SLC71A1: variants seen among roughly 807,000 people sequenced by gnomAD.
SLC71A1 encodes the protein hippocampus abundant gene transcript 1.
chr1:100,071,555 G>C, the SLC71A1 span, among the ~76,000 whole-genome samples: 1 of 152,178 alleles, frequency 6.6e-6, no homozygotes, highest in Non-Finnish European at 1.5e-5. Context: ...TGCAATAGAT[G>C]TGATCAACCT....
chr1:100,047,988 T>C, the SLC71A1 span, among the ~76,000 whole-genome samples: 1 of 152,192 alleles, frequency 6.6e-6, no homozygotes, highest in Non-Finnish European at 1.5e-5. Context: ...ATAAATTTTA[T>C]TTACATTGAG....
the SLC71A1 span, chr1:100,038,289 G>A: frequency 1.3e-6 from 2 of 1,559,562 alleles, no homozygotes; most frequent in Non-Finnish European, 1.7e-6. Flanking sequence ...TGCTGGCCAA[G>A]AAGATCATCA....
the SLC71A1 span, among the ~76,000 whole-genome samples, chr1:100,078,120 A>C: frequency 6.6e-6 from 1 of 152,206 alleles, no homozygotes; most frequent in Admixed American, 6.5e-5. Flanking sequence ...GTGTTTGGAA[A>C]TATTTGATGA....
chr1:100,045,808 G>A, the SLC71A1 span, among the ~76,000 whole-genome samples: 2 of 139,154 alleles, frequency 1.4e-5, no homozygotes, highest in Admixed American at 7.8e-5. Flanking sequence ...GGGAGACTCT[G>A]TCTCAAAATA....
chr1:100,047,669 G>A, the SLC71A1 span, among the ~76,000 whole-genome samples: 3 of 152,146 alleles, frequency 2.0e-5, no homozygotes, highest in Admixed American at 6.5e-5. Context: ...TGATCCACCC[G>A]CTTTGGCCTC....
chr1:100,074,543 C>G, the SLC71A1 span, among the ~76,000 whole-genome samples: 1 of 151,394 alleles, frequency 6.6e-6, no homozygotes, highest in Admixed American at 6.6e-5. Flanking sequence ...TGCGCCACAG[C>G]ACTCCAGCCT....
chr1:100,041,662 G>C, the SLC71A1 span, among the ~76,000 whole-genome samples: 1 of 152,128 alleles, frequency 6.6e-6, no homozygotes, highest in Non-Finnish European at 1.5e-5. Context: ...AGTGGCTCAC[G>C]CCTGTAATCC....
chr1:100,080,458 G>T, the SLC71A1 span: 3 of 1,569,388 alleles, frequency 1.9e-6, no homozygotes, highest in Non-Finnish European at 2.6e-6. Context: ...AAAAAAACCA[G>T]GTAGTTTACT....
At chr1:100,044,744 C>T in the SLC71A1 span, among the ~76,000 whole-genome samples, 1 of 152,112 alleles carries the variant, frequency 6.6e-6, no homozygotes, top group Non-Finnish European at 1.5e-5. Flanking sequence ...ACTCAAACTA[C>T]TGACCTTAGG....
chr1:100,061,158 T>G, the SLC71A1 span, among the ~76,000 whole-genome samples: 1 of 152,228 alleles, frequency 6.6e-6, no homozygotes, highest in Non-Finnish European at 1.5e-5. Flanking sequence ...TATGATTATA[T>G]GTGATTTTCA....
the SLC71A1 span, chr1:100,080,124 A>G: frequency 3.2e-4 from 50 of 156,876 alleles, 2 homozygotes; most frequent in East Asian, 9.3e-3. Flanking sequence ...ATTTTTGACT[A>G]AAAGGGGTCT....
the SLC71A1 span, among the ~76,000 whole-genome samples, chr1:100,059,072 C>A: frequency 6.0e-5 from 9 of 150,630 alleles, no homozygotes; most frequent in Admixed American, 4.6e-4. Flanking sequence ...AAAAAACCCC[C>A]ATCAATATAA....
chr1:100,070,769 T>C, the SLC71A1 span, among the ~76,000 whole-genome samples: 7 of 152,184 alleles, frequency 4.6e-5, no homozygotes, highest in Non-Finnish European at 1.0e-4. Context: ...TAAGACACTA[T>C]GAAGACAATC....
chr1:100,057,383 A>G, the SLC71A1 span, among the ~76,000 whole-genome samples: 47 of 121,224 alleles, frequency 3.9e-4, no homozygotes, highest in African/African-American at 1.5e-3. Context: ...AAGACAGGCT[A>G]TTACTCTGTT....
At chr1:100,047,703 A>G in the SLC71A1 span, among the ~76,000 whole-genome samples, 1 of 152,164 alleles carries the variant, frequency 6.6e-6, no homozygotes, top group Non-Finnish European at 1.5e-5. Flanking sequence ...ATTACAGGTG[A>G]GAGCCACTGC....
chr1:100,056,110 A>G, the SLC71A1 span, among the ~76,000 whole-genome samples: 3 of 152,138 alleles, frequency 2.0e-5, no homozygotes, highest in Admixed American at 2.0e-4. Context: ...TGTTGTGCCT[A>G]TCAAGTACTA....
the SLC71A1 span, among the ~76,000 whole-genome samples, chr1:100,038,754 T>A: frequency 6.6e-6 from 1 of 152,236 alleles, no homozygotes; most frequent in Non-Finnish European, 1.5e-5. Context: ...CTCTCCCATA[T>A]GTTGCTAACG....
the SLC71A1 span, among the ~76,000 whole-genome samples, chr1:100,073,061 C>T: frequency 2.6e-5 from 4 of 152,142 alleles, no homozygotes; most frequent in East Asian, 3.9e-4. Context: ...GCTTCACCAC[C>T]GCCAGGTTTT....
chr1:100,043,894 T>A, the SLC71A1 span, among the ~76,000 whole-genome samples: 1 of 152,252 alleles, frequency 6.6e-6, no homozygotes, highest in Non-Finnish European at 1.5e-5. Flanking sequence ...TTTCATTCCT[T>A]TTTATGGCTA....
Sources: allele counts gnomAD v4.1 joint callset (sites outside exome capture counted in the v4.1 genomes callset), GRCh38; gene constraint gnomAD v4.1.1; transcripts MANE v1.5; gene names NCBI Gene and HGNC (gene_info 2026-07-23, HGNC 2026-07-21).